SIPA1L3: variants seen among roughly 807,000 people sequenced by gnomAD.
SIPA1L3 encodes the protein signal induced proliferation associated 1 like 3, also known as signal-induced proliferation-associated 1-like protein 3.
A neutral mutation model predicts 150.1 loss-of-function variants in SIPA1L3; 59 were observed. The observed-to-expected ratio is 0.39, with a 90% CI of 0.32 to 0.49. The LOEUF is 0.49. Among genes scored for constraint, SIPA1L3 ranks in the 20% least tolerant of loss-of-function variants. The pLI is 0.86. For synonymous variants in SIPA1L3, 1,070 were observed against 1,077.6 expected (o/e 0.99, Z 0.14); for missense variants, 2,211 against 2,489.5 (o/e 0.89, Z 2.38).
At chr19:38,050,486 T>G (rs545327833) in intron 2 of SIPA1L3, among the ~76,000 whole-genome samples, 1 of 152,282 alleles carries the variant, frequency 6.6e-6, no homozygotes, top group African/African-American at 2.4e-5. Flanking sequence ...AAACAGCGCC[T>G]AACACATATG....
At chr19:37,989,665 CTT>C (rs74174502) in intron 1 of SIPA1L3, among the ~76,000 whole-genome samples, 87 of 127,538 alleles carry the variant, frequency 6.8e-4, no homozygotes, top group African/African-American at 1.9e-3. Flanking sequence ...AGGATGAATT[CTT>C]TTTTTTTTTT....
chr19:38,088,650 A>T, intron 3 of SIPA1L3, 71 bp from the exon 4 acceptor site: 5 of 1,566,810 alleles, frequency 3.2e-6, no homozygotes, highest in Non-Finnish European at 4.3e-6. Context: ...CCCTGTCTGC[A>T]GGCCTGCTGG....
chr19:38,040,877 C>T (rs1397603396), intron 2 of SIPA1L3, among the ~76,000 whole-genome samples: 2 of 152,136 alleles, frequency 1.3e-5, no homozygotes, highest in Admixed American at 6.5e-5. Context: ...TCTCCTGTCT[C>T]AGCCTCCCAA....
chr19:38,015,443 G>A (rs888159177), intron 1 of SIPA1L3, among the ~76,000 whole-genome samples: 2 of 152,102 alleles, frequency 1.3e-5, no homozygotes, highest in Non-Finnish European at 2.9e-5. Flanking sequence ...AAAGAATGTG[G>A]CCAGGTACGG....
chr19:38,005,857 G>A (rs897179520), intron 1 of SIPA1L3, among the ~76,000 whole-genome samples: 1 of 152,100 alleles, frequency 6.6e-6, no homozygotes, highest in African/African-American at 2.4e-5. Context: ...AGACCAGCCT[G>A]GACAACATGC....
intron 1 of SIPA1L3, among the ~76,000 whole-genome samples, chr19:38,005,431 G>A (rs1967917965): frequency 6.6e-6 from 1 of 151,606 alleles, no homozygotes; most frequent in Non-Finnish European, 1.5e-5. Flanking sequence ...CCATGTCTTC[G>A]CCTTGCTCCT....
At chr19:38,166,302 A>C (rs894806784) in intron 15 of SIPA1L3, among the ~76,000 whole-genome samples, 9 of 151,880 alleles carry the variant, frequency 5.9e-5, no homozygotes, top group African/African-American at 2.2e-4. Context: ...TAAATACAAA[A>C]AAAAATTAGC....
At chr19:38,157,833 G>A (rs192150776) in intron 13 of SIPA1L3, among the ~76,000 whole-genome samples, 6 of 152,320 alleles carry the variant, frequency 3.9e-5, no homozygotes, top group Non-Finnish European at 5.9e-5. Flanking sequence ...CAGGGATACC[G>A]GGTGAGCCAG....
At chr19:38,112,262 G>A (rs1167817972) in intron 8 of SIPA1L3, among the ~76,000 whole-genome samples, 3 of 150,606 alleles carry the variant, frequency 2.0e-5, no homozygotes, top group Non-Finnish European at 3.0e-5. Flanking sequence ...GCACACACAA[G>A]CACATGCACA....
intron 9 of SIPA1L3, among the ~76,000 whole-genome samples, chr19:38,122,415 T>A (rs537704194): frequency 3.3e-5 from 5 of 152,292 alleles, no homozygotes; most frequent in Admixed American, 6.5e-5. Flanking sequence ...ATTCGTCAGC[T>A]CCACTTCTGT....
chr19:38,019,152 C>A (rs1670227927), intron 1 of SIPA1L3, among the ~76,000 whole-genome samples: 1 of 152,148 alleles, frequency 6.6e-6, no homozygotes. Flanking sequence ...CATTTGGCTG[C>A]CAGTAACAGA....
chr19:37,986,800 C>T (rs1967362901), intron 1 of SIPA1L3, among the ~76,000 whole-genome samples: 1 of 152,126 alleles, frequency 6.6e-6, no homozygotes, highest in Non-Finnish European at 1.5e-5. Context: ...GCCTGATGTG[C>T]CTTCAGGGAC....
rs117481392 is a variant in SIPA1L3 at position 38,204,952 on chromosome 19, G to A, written c.5202+744G>A. Among the ~76,000 whole-genome samples, 5 of 152,336 alleles carry A rather than the reference G, an allele frequency of 3.3e-5. No individual in the cohort carries two copies. In the East Asian group the frequency reaches 9.6e-4, roughly 29 times the overall value. ...GTGTAAATTATAGGGTGTCCATGCA[G>A]CGGAACAGCTTGCAGCCAATTAAAG... On this transcript the variant is annotated intron_variant, in intron 21 of 21. Transcript: ENST00000222345.
intron 1 of SIPA1L3, among the ~76,000 whole-genome samples, chr19:37,914,266 A>G (rs1223247534): frequency 6.6e-6 from 1 of 152,136 alleles, no homozygotes; most frequent in Non-Finnish European, 1.5e-5. Context: ...TTCCAGGTAG[A>G]GGGAACAGCA....
intron 8 of SIPA1L3, among the ~76,000 whole-genome samples, chr19:38,113,081 GC>G (rs1970802750): frequency 6.6e-6 from 1 of 152,078 alleles, no homozygotes; most frequent in African/African-American, 2.4e-5. Context: ...GGTGGCAGGT[GC>G]CTGTAATTAC....
At chr19:38,099,865 C>A in intron 4 of SIPA1L3, 97 bp from the exon 5 acceptor site, 1 of 1,056,168 alleles carries the variant, frequency 9.5e-7, no homozygotes, top group South Asian at 1.7e-5. Context: ...TTCCAATCAT[C>A]ACACATGTCT....
At chr19:38,172,344 C>T (rs548363921) in intron 15 of SIPA1L3, among the ~76,000 whole-genome samples, 14 of 152,156 alleles carry the variant, frequency 9.2e-5, no homozygotes, top group Non-Finnish European at 1.6e-4. Context: ...CTGATTCTTC[C>T]AGTCACTGAC....
At chr19:38,203,909 G>T (rs1973145451) in intron 20 of SIPA1L3, 1 of 551,010 alleles carries the variant, frequency 1.8e-6, no homozygotes, top group Admixed American at 3.2e-5. Context: ...CTGGCCTGGT[G>T]CTCCTAACAC....
rs1377229175 is a variant in SIPA1L3 at position 38,192,226 on chromosome 19, G to T, written c.4512G>T (p.Lys1504Asn). ...TCCGAGACCTCCGGTCACCACGGAA[G>T]AACTACAAATCCACCATCGAGGATG... is the stretch of plus-strand genomic sequence containing the variant. ...ASLRDLRSPRKNYKSTIEDDL... is the reference protein window; with the variant it reads ...ASLRDLRSPRNNYKSTIEDDL... Residue 1504 changes from lysine (K) to asparagine (N), a missense_variant, in exon 17 of 22, where the codon AAG becomes AAT. Physicochemically the swap from Lys to Asn is moderately conservative, Grantham distance 94. Coordinates refer to ENST00000222345, the MANE Select transcript of SIPA1L3 (RefSeq NM_015073.3). 18 of 1,613,770 alleles carry T rather than the reference G, an allele frequency of 1.1e-5. No individual in the cohort carries two copies. The highest frequency in any genetic ancestry group is 1.5e-5 in the Non-Finnish European group (18 of 1,179,832).
Sources: allele counts gnomAD v4.1 joint callset (sites outside exome capture counted in the v4.1 genomes callset), GRCh38; gene constraint gnomAD v4.1.1; transcripts MANE v1.5; gene names NCBI Gene and HGNC (gene_info 2026-07-23, HGNC 2026-07-21).